The following RANBP17 variants were observed in gnomAD, a reference collection of about 807,000 sequenced individuals.
RANBP17 encodes the protein ran-binding protein 17.
In RANBP17, 158 loss-of-function variants were observed where a neutral mutation model predicts 141.2. The observed-to-expected ratio is 1.12, with a 90% confidence interval of 0.98 to 1.28. The LOEUF is 1.28. RANBP17 is among the 50% of genes most tolerant of loss of function. The probability of loss-of-function intolerance (pLI) is 0.00; values close to 1 mark genes in which losing one functional copy is unlikely to be tolerated. For synonymous variants in RANBP17, 430 were observed against 450.0 expected (o/e 0.96, Z 0.56); for missense variants, 1,438 against 1,290.7 (o/e 1.11, Z -1.75).
chr5:171,000,586 C>T (rs901878651), intron 14 of RANBP17, among the ~76,000 whole-genome samples: 34 of 152,160 alleles, frequency 2.2e-4, no homozygotes, highest in African/African-American at 8.2e-4. Context: ...GTGTCATGCG[C>T]GTCCGTGTGA....
chr5:171,001,195 A>T (rs1779177161), intron 14 of RANBP17, among the ~76,000 whole-genome samples: 2 of 152,106 alleles, frequency 1.3e-5, no homozygotes, highest in Non-Finnish European at 2.9e-5. Context: ...AATGGGAGAG[A>T]TTCAACTGAA....
intron 14 of RANBP17, among the ~76,000 whole-genome samples, chr5:171,067,471 C>G (rs1217317937): frequency 1.3e-5 from 2 of 152,142 alleles, no homozygotes; most frequent in African/African-American, 2.4e-5. Context: ...TATCAGAGAT[C>G]TCTATTTCTC....
At chr5:170,965,550 T>G (rs893663976) in intron 13 of RANBP17, among the ~76,000 whole-genome samples, 30 of 152,240 alleles carry the variant, frequency 2.0e-4, no homozygotes, top group African/African-American at 6.8e-4. Context: ...TGTAAGTCTT[T>G]AATCCATCTT....
At chr5:171,025,522 C>A (rs1258070330) in intron 14 of RANBP17, among the ~76,000 whole-genome samples, 3 of 151,572 alleles carry the variant, frequency 2.0e-5, no homozygotes, top group Non-Finnish European at 4.4e-5. Flanking sequence ...TTCCCTCACC[C>A]TCACTCCCTC....
intron 25 of RANBP17, among the ~76,000 whole-genome samples, chr5:171,290,922 T>C (rs1561833732): frequency 6.6e-6 from 1 of 152,228 alleles, no homozygotes; most frequent in Non-Finnish European, 1.5e-5. Context: ...ATCAGAGAAG[T>C]TATTCCTCAC....
chr5:170,998,761 G>A lies in RANBP17; in HGVS notation c.1710+30384G>A, dbSNP rs371094848. On this transcript the variant is annotated intron_variant, in intron 14 of 27. Transcript: ENST00000523189. ...TTAATTACAAAATACATATTAGAGGGATACAGTTCTTAGGGCTGTGATTTT... is the reference window on the plus strand; with the variant it reads ...TTAATTACAAAATACATATTAGAGGAATACAGTTCTTAGGGCTGTGATTTT... Among the ~76,000 whole-genome samples the A allele has an allele frequency of 4.1e-4, 62 of 152,206 alleles. 1 individual carries two copies. In the South Asian group the frequency reaches 0.012, roughly 31 times the overall value.
At chr5:170,966,146 CTA>C (rs1362834639) in intron 13 of RANBP17, among the ~76,000 whole-genome samples, 2 of 151,884 alleles carry the variant, frequency 1.3e-5, no homozygotes, top group Non-Finnish European at 2.9e-5. Context: ...CCTTCTGAAA[CTA>C]TTCCAATCAG....
Position 171,241,093 on chromosome 5 carries a change from T to G in RANBP17, c.2588T>G (p.Leu863Arg), listed in dbSNP as rs756319685. Residue 863 changes from leucine to arginine, a missense_variant, in exon 23 of 28, where the codon CTC (leucine) becomes CGC (arginine). Coordinates refer to ENST00000523189, the MANE Select transcript of RANBP17 (RefSeq NM_022897.5). ...GGGGACAACCATTTTGACAATGTAC[T>G]CCAGGCTTTTGTCAAAATGCTGCTG... ...LYGDNHFDNV[L>R]QAFVKMLLSV... is the part of the protein sequence containing the mutation. 20 of 1,613,780 alleles carry G rather than the reference T, an allele frequency of 1.2e-5. No homozygotes were observed. The highest frequency in any genetic ancestry group is 1.7e-5 in the Non-Finnish European group (20 of 1,179,896).
intron 20 of RANBP17, among the ~76,000 whole-genome samples, chr5:171,209,138 G>A (rs1762736593): frequency 6.6e-6 from 1 of 152,206 alleles, no homozygotes; most frequent in Non-Finnish European, 1.5e-5. Flanking sequence ...CTCTGGAAAG[G>A]TGAAGGTGTT....
chr5:170,911,655 G>A (rs537073029), intron 7 of RANBP17, among the ~76,000 whole-genome samples: 66 of 151,804 alleles, frequency 4.3e-4, no homozygotes, highest in African/African-American at 1.5e-3. Flanking sequence ...TAAGAAAAAA[G>A]TTCAGTATGA....
chr5:171,227,409 A>C (rs1179545652), intron 22 of RANBP17, among the ~76,000 whole-genome samples: 1 of 152,228 alleles, frequency 6.6e-6, no homozygotes, highest in Non-Finnish European at 1.5e-5. Context: ...CAAGGCTCTA[A>C]CTCTCTTCAC....
chr5:171,020,701 A>G, intron 14 of RANBP17, among the ~76,000 whole-genome samples: 1 of 151,714 alleles, frequency 6.6e-6, no homozygotes, highest in Non-Finnish European at 1.5e-5. Context: ...TGAATACAGC[A>G]CACCAGTGGG....
intron 24 of RANBP17, among the ~76,000 whole-genome samples, chr5:171,255,349 A>G (rs1765815709): frequency 6.6e-6 from 1 of 152,228 alleles, no homozygotes; most frequent in Non-Finnish European, 1.5e-5. Flanking sequence ...ATATCACAAC[A>G]TGTTTAAGAA....
chr5:171,257,197 G>A (rs190326195), intron 24 of RANBP17, among the ~76,000 whole-genome samples: 5 of 152,244 alleles, frequency 3.3e-5, no homozygotes, highest in Admixed American at 1.3e-4. Context: ...CAGCATATCC[G>A]AAAGATAGTA....
intron 24 of RANBP17, among the ~76,000 whole-genome samples, chr5:171,258,518 T>C (rs923180822): frequency 6.6e-6 from 1 of 152,096 alleles, no homozygotes; most frequent in African/African-American, 2.4e-5. Context: ...AAAATGATAT[T>C]GGTATGAAAA....
rs375873936 is a variant in RANBP17 at position 171,133,029 on chromosome 5, G to T, written c.1711-37101G>T. ...GCCTCCCGAGTAGCTGGGACTACAG[G>T]GGCCCGCCATCACGCTTGGCTAATT... On this transcript the variant is annotated intron_variant, in intron 14 of 27. Transcript: ENST00000523189. 4.7e-3 allele frequency among the ~76,000 whole-genome samples: 717 copies of T among 152,064 alleles called. 10 individuals are homozygous for T. The highest frequency in any genetic ancestry group is 0.013 in the African/African-American group (525 of 41,484).
At chr5:171,144,108 A>G (rs1180207232) in intron 14 of RANBP17, among the ~76,000 whole-genome samples, 2 of 152,188 alleles carry the variant, frequency 1.3e-5, no homozygotes, top group African/African-American at 4.8e-5. Flanking sequence ...CATACCTGTA[A>G]TTTCAACACT....
At position 170,862,045 on chromosome 5, in the gene RANBP17, C is replaced by G. The variant is rs1581634642; in HGVS notation, c.12C>G (p.His4Gln). The stretch of plus-strand genomic sequence containing the variant: ...CGCCTCCTGGGAAGATGGCGCTGCA[C>G]TTCCAGGTCAGTGTGCTCTGCGCCG... MAL[H>Q]FQSLAELEVL... Residue 4 changes from histidine to glutamine, a missense_variant, in exon 1 of 28, where the codon CAC becomes CAG. His to Gln is a conservative substitution (Grantham distance 24). Coordinates refer to ENST00000523189, the MANE Select transcript of RANBP17 (RefSeq NM_022897.5). 5.5e-6 allele frequency: 8 copies of G among 1,463,862 alleles called. No homozygotes were observed. The East Asian group carries it at 2.4e-4, about 44-fold the overall frequency. 90.7% of individuals were successfully genotyped at this position (1,463,862 alleles called of 1,614,324 possible). A position where few individuals can be genotyped will look rare whatever the true frequency, so the allele number is the denominator to read the frequency against.
chr5:171,092,930 T>C (rs1403590356), intron 14 of RANBP17, among the ~76,000 whole-genome samples: 1 of 152,228 alleles, frequency 6.6e-6, no homozygotes, highest in Non-Finnish European at 1.5e-5. Flanking sequence ...TTGCATATTA[T>C]GGAAAGCACT....
Sources: gnomAD v4.1 joint callset for allele counts (sites outside exome capture counted in the v4.1 genomes callset) on GRCh38, gnomAD v4.1.1 for gene constraint, MANE v1.5 for transcripts, NCBI Gene and HGNC (gene_info 2026-07-23, HGNC 2026-07-21) for gene names.